FILIP1L: variants seen among roughly 807,000 people sequenced by gnomAD.
The protein encoded by FILIP1L is filamin A-interacting protein 1-like.
In FILIP1L, 55 loss-of-function variants were observed where a neutral mutation model predicts 96.6. The observed-to-expected ratio is 0.57, with a 90% CI of 0.46 to 0.71. FILIP1L has a LOEUF of 0.71. Among genes scored for constraint, FILIP1L ranks in the 30% least tolerant of loss-of-function variants. The probability of loss-of-function intolerance (pLI) is 0.00; values close to 1 mark genes in which losing one functional copy is unlikely to be tolerated. For missense variants in FILIP1L, 1,304 were observed against 1,321.2 expected, an observed-to-expected ratio of 0.99 and a Z score of 0.20; for synonymous variants, 467 against 473.9, an observed-to-expected ratio of 0.99 and a Z score of 0.19.
intron 1 of FILIP1L, among the ~76,000 whole-genome samples, chr3:100,068,899 G>C (rs1017921558): frequency 6.6e-6 from 1 of 152,164 alleles, no homozygotes; most frequent in Non-Finnish European, 1.5e-5. Context: ...GAATTCACAG[G>C]TACCACTCCC....
chr3:100,049,861 A>G (rs1407836984), intron 1 of FILIP1L, among the ~76,000 whole-genome samples: 2 of 152,314 alleles, frequency 1.3e-5, no homozygotes, highest in East Asian at 3.9e-4. Flanking sequence ...TTTTTATTTT[A>G]TCAATAAGGC....
intron 1 of FILIP1L, among the ~76,000 whole-genome samples, chr3:99,931,945 C>G (rs1264931126): frequency 6.6e-6 from 1 of 152,058 alleles, no homozygotes; most frequent in Non-Finnish European, 1.5e-5. Context: ...TACTCTTTGT[C>G]CCTACAAATC....
chr3:99,983,500 ATATATATATG>A (rs1709231703), intron 1 of FILIP1L, among the ~76,000 whole-genome samples: 10 of 108,916 alleles, frequency 9.2e-5, no homozygotes, highest in African/African-American at 3.5e-4. Context: ...ATATATATAT[ATATATATATG>A]TATATATATA....
At chr3:99,931,322 T>G (rs2107663609) in intron 1 of FILIP1L, among the ~76,000 whole-genome samples, 1 of 152,310 alleles carries the variant, frequency 6.6e-6, no homozygotes, top group Admixed American at 6.5e-5. Context: ...GCATTCCACC[T>G]CAGGAACCCA....
chr3:99,940,614 C>A (rs1327812416), intron 1 of FILIP1L, among the ~76,000 whole-genome samples: 1 of 152,310 alleles, frequency 6.6e-6, no homozygotes, highest in Non-Finnish European at 1.5e-5. Flanking sequence ...ACTTCTTGTT[C>A]ATAGGCCAAC....
At chr3:100,002,570 A>G (rs1173092648) in intron 1 of FILIP1L, among the ~76,000 whole-genome samples, 1 of 152,238 alleles carries the variant, frequency 6.6e-6, no homozygotes, top group Non-Finnish European at 1.5e-5. Flanking sequence ...ATAGCTGATA[A>G]AAAGTAAAGC....
chr3:99,941,665 T>C (rs542629337), intron 1 of FILIP1L, among the ~76,000 whole-genome samples: 15 of 152,354 alleles, frequency 9.8e-5, no homozygotes, highest in African/African-American at 3.6e-4. Flanking sequence ...ATATGGATCA[T>C]AGAATATCAG....
At chr3:100,074,269 C>T (rs1258286664) in intron 1 of FILIP1L, among the ~76,000 whole-genome samples, 2 of 152,152 alleles carry the variant, frequency 1.3e-5, no homozygotes, top group Non-Finnish European at 2.9e-5. Context: ...TCGCTGCTTT[C>T]CCAGGCCAGC....
At position 100,034,568 on chromosome 3, in the gene FILIP1L, A is replaced by C. The variant is rs1390674979; in HGVS notation, c.-11+79485T>G. ...TATTTGGGGCCTCAAATCCCATCTG[A>C]ATTGGCTGCTTTTGGTCATTTAAAC... On this transcript the variant is annotated intron_variant, in intron 1 of 5. Coordinates refer to ENST00000477258, the MANE Select transcript of FILIP1L (RefSeq NM_001387850.1). Among the ~76,000 whole-genome samples, 6 of 152,316 alleles carry C rather than the reference A, an allele frequency of 3.9e-5. No homozygotes were observed. The East Asian group carries it at 1.2e-3, about 29-fold the overall frequency.
In FILIP1L at chr3:99,945,561, A is replaced by G. The variant is rs1707984694; in HGVS notation, c.-10-14531T>C. On this transcript the variant is annotated intron_variant, in intron 1 of 5. Transcript: ENST00000477258. Reference sequence around the variant, plus strand: ...TTAAGGAGGGAAACAAAGAATCATTACTCTCCCTTAAGCATGTTGCTTTGG... The same window carrying G: ...TTAAGGAGGGAAACAAAGAATCATTGCTCTCCCTTAAGCATGTTGCTTTGG... Among the ~76,000 whole-genome samples, 4 of 151,944 alleles carry G rather than the reference A, an allele frequency of 2.6e-5. No homozygotes were observed. The South Asian group carries it at 8.3e-4, about 32-fold the overall frequency.
intron 4 of FILIP1L, among the ~76,000 whole-genome samples, chr3:99,922,429 T>TC (rs1459828151): frequency 6.6e-6 from 1 of 152,146 alleles, no homozygotes; most frequent in Non-Finnish European, 1.5e-5. Context: ...GTAGGACCTT[T>TC]CCCCTGCCCC....
At chr3:100,050,283 T>C (rs1291181448) in intron 1 of FILIP1L, among the ~76,000 whole-genome samples, 2 of 152,216 alleles carry the variant, frequency 1.3e-5, no homozygotes, top group East Asian at 3.9e-4. Flanking sequence ...GATTTTTAAA[T>C]GTGCCCTCTA....
chr3:100,052,332 A>G (rs2065388218), intron 1 of FILIP1L, among the ~76,000 whole-genome samples: 1 of 152,222 alleles, frequency 6.6e-6, no homozygotes, highest in South Asian at 2.1e-4. Context: ...TGAATGGCAC[A>G]TTTATGAGAG....
intron 1 of FILIP1L, among the ~76,000 whole-genome samples, chr3:100,057,092 G>A (rs2065478276): frequency 6.6e-6 from 1 of 152,198 alleles, no homozygotes; most frequent in Non-Finnish European, 1.5e-5. Context: ...CAGGGCAGGA[G>A]ATTTTAATGG....
intron 4 of FILIP1L, among the ~76,000 whole-genome samples, chr3:99,909,904 A>G (rs1042153295): frequency 2.0e-5 from 3 of 152,150 alleles, no homozygotes; most frequent in Non-Finnish European, 4.4e-5. Context: ...CTTCATATTC[A>G]GAGTTCATTT....
chr3:99,983,502 A>G lies in FILIP1L; in HGVS notation c.-10-52472T>C, dbSNP rs1182495707. Among the ~76,000 whole-genome samples the G allele has an allele frequency of 9.7e-5, 11 of 112,994 alleles. No individual in the cohort carries two copies. The South Asian group carries it at 1.1e-3, about 12-fold the overall frequency. The allele number at this position is 112,994 out of a possible 152,430, so 74.1% of individuals were successfully genotyped here. On this transcript the variant is annotated intron_variant, in intron 1 of 5. Coordinates refer to ENST00000477258, the MANE Select transcript of FILIP1L (RefSeq NM_001387850.1). ...TATATATATATATATATATATATATATATATATGTATATATATACACACAC... is the reference window on the plus strand; with the variant it reads ...TATATATATATATATATATATATATGTATATATGTATATATATACACACAC...
At chr3:99,894,868 A>G (rs1197192544) in intron 4 of FILIP1L, among the ~76,000 whole-genome samples, 1 of 152,184 alleles carries the variant, frequency 6.6e-6, no homozygotes, top group Non-Finnish European at 1.5e-5. Flanking sequence ...ATTCTTGCAA[A>G]CGTATAGAGT....
At chr3:99,912,601 C>T (rs1256737472) in intron 4 of FILIP1L, among the ~76,000 whole-genome samples, 1 of 152,142 alleles carries the variant, frequency 6.6e-6, no homozygotes, top group Non-Finnish European at 1.5e-5. Flanking sequence ...TGGTCTCAAA[C>T]TCCTGGGCTC....
chr3:99,976,744 C>A (rs1056820649), intron 1 of FILIP1L, among the ~76,000 whole-genome samples: 1 of 152,038 alleles, frequency 6.6e-6, no homozygotes. Context: ...GTTACTTACC[C>A]TACTCAGAGT....
Sources: allele counts gnomAD v4.1 joint callset (sites outside exome capture counted in the v4.1 genomes callset), GRCh38; gene constraint gnomAD v4.1.1; transcripts MANE v1.5; gene names NCBI Gene and HGNC (gene_info 2026-07-23, HGNC 2026-07-21).